The following TENM1 variants were observed in gnomAD, a reference collection of about 807,000 sequenced individuals.
TENM1 encodes teneurin-1.
In TENM1, 35 loss-of-function variants were observed where a neutral mutation model predicts 174.8. That is an observed-to-expected ratio of 0.20 (90% CI 0.15 to 0.27). TENM1 has a LOEUF of 0.27. TENM1 is among the 10% of genes least tolerant of loss of function. The pLI is 1.00. For missense variants in TENM1, 1,633 were observed against 2,130.1 expected (o/e 0.77, Z 4.59); for synonymous variants, 781 against 798.7 (o/e 0.98, Z 0.37).
At position 124,838,947 on chromosome X, in the gene TENM1, T is replaced by C. The variant is rs147280440; in HGVS notation, c.535+55349A>G. Among the ~76,000 whole-genome samples the C allele has an allele frequency of 2.7e-3, 298 of 111,501 alleles. 2 individuals are homozygous for C. The highest frequency in any genetic ancestry group is 9.2e-3 in the African/African-American group (284 of 30,725). ...ATAAAAACCGAATTCCACTTCCAGG[T>C]ATCTATCCCAAAGAAACTCCCATTT... On this transcript the variant is annotated intron_variant, in intron 3 of 31. Transcript: ENST00000422452.
chrX:125,049,826 C>A, the TENM1 span, among the ~76,000 whole-genome samples: 21 of 110,413 alleles, frequency 1.9e-4, no homozygotes, highest in East Asian at 5.7e-3. Context: ...TGTGTGTTTT[C>A]TTTAGAGATC....
At chrX:124,453,340 A>G (rs1162761063) in exon 23 of TENM1, 2 of 1,205,800 alleles carry the variant, frequency 1.7e-6, no homozygotes, top group Admixed American at 2.2e-5. Flanking sequence ...TGCCTACCTG[A>G]GTGATGTCCA....
chrX:124,724,498 T>C (rs146645812), intron 4 of TENM1, among the ~76,000 whole-genome samples: 3,491 of 111,829 alleles, frequency 0.031, 149 homozygotes, highest in African/African-American at 0.11. Flanking sequence ...TTGTGTCCCT[T>C]CAAAATTCAT....
At chrX:125,021,947 T>A in the TENM1 span, among the ~76,000 whole-genome samples, 1 of 112,852 alleles carries the variant, frequency 8.9e-6, no homozygotes, top group Admixed American at 9.3e-5. Flanking sequence ...GTGTCAGAAA[T>A]TATTATCCCT....
chrX:125,007,609 G>A, the TENM1 span, among the ~76,000 whole-genome samples: 1 of 111,044 alleles, frequency 9.0e-6, no homozygotes, highest in Non-Finnish European at 1.9e-5. Context: ...GAAATGAAGG[G>A]GAAAAAATGT....
At chrX:124,625,966 T>A (rs1421389421) in intron 11 of TENM1, among the ~76,000 whole-genome samples, 1 of 111,222 alleles carries the variant, frequency 9.0e-6, no homozygotes, top group Admixed American at 9.6e-5. Context: ...GATTTAACCA[T>A]TCCACAATGT....
the TENM1 span, among the ~76,000 whole-genome samples, chrX:125,096,619 TA>T: frequency 1.9e-4 from 21 of 111,873 alleles, no homozygotes; most frequent in South Asian, 7.9e-3. Context: ...AGGCTGGTGT[TA>T]AAGAGAACAC....
chrX:124,953,620 T>A (rs1469629252), intron 1 of TENM1, among the ~76,000 whole-genome samples: 1 of 111,493 alleles, frequency 9.0e-6, no homozygotes, highest in Non-Finnish European at 1.9e-5. Context: ...TCCCCTTTGA[T>A]CCTGCCCAGT....
chrX:125,169,711 A>G, the TENM1 span, among the ~76,000 whole-genome samples: 1 of 111,281 alleles, frequency 9.0e-6, no homozygotes, highest in South Asian at 3.7e-4. Flanking sequence ...AACATATAAG[A>G]GAAGTCTAAA....
chrX:125,082,492 G>T, the TENM1 span, among the ~76,000 whole-genome samples: 1 of 111,009 alleles, frequency 9.0e-6, no homozygotes, highest in Non-Finnish European at 1.9e-5. Context: ...AACCATACTG[G>T]CTGGCTTTGT....
intron 23 of TENM1, among the ~76,000 whole-genome samples, chrX:124,434,302 C>G (rs2060811064): frequency 9.0e-6 from 1 of 111,174 alleles, no homozygotes; most frequent in Non-Finnish European, 1.9e-5. Context: ...TGAAAGACAC[C>G]ACTCTATTAT....
At chrX:124,503,210 A>G in intron 19 of TENM1, among the ~76,000 whole-genome samples, 1 of 111,435 alleles carries the variant, frequency 9.0e-6, no homozygotes. Context: ...TAGGTGAAGG[A>G]ACTTGGATGA....
the TENM1 span, among the ~76,000 whole-genome samples, chrX:125,020,735 T>C: frequency 9.0e-6 from 1 of 111,147 alleles, no homozygotes; most frequent in African/African-American, 3.3e-5. Context: ...AAATTAACTA[T>C]ATAACTGCCA....
chrX:124,738,418 T>C (rs2053727830), intron 3 of TENM1, among the ~76,000 whole-genome samples: 2 of 112,202 alleles, frequency 1.8e-5, no homozygotes, highest in African/African-American at 6.5e-5. Context: ...AAAAACGATA[T>C]TAGCCTCCCA....
chrX:124,619,460 G>C (rs976087335), intron 11 of TENM1, among the ~76,000 whole-genome samples: 1 of 111,961 alleles, frequency 8.9e-6, no homozygotes, highest in African/African-American at 3.2e-5. Context: ...GTCTGGATAT[G>C]TCCTATAGTT....
chrX:124,801,145 T>C (rs1603212937), intron 3 of TENM1, among the ~76,000 whole-genome samples: 1 of 111,846 alleles, frequency 8.9e-6, no homozygotes, highest in Non-Finnish European at 1.9e-5. Context: ...AAGTCCAGAA[T>C]ATCCTTGTTA....
chrX:124,707,260 C>T (rs1409765455), intron 4 of TENM1, among the ~76,000 whole-genome samples: 5 of 112,024 alleles, frequency 4.5e-5, no homozygotes, highest in African/African-American at 1.3e-4. Context: ...ACCTCAGCCT[C>T]CTAAAGTGCT....
rs182635293 is a variant in TENM1 at position 124,818,757 on chromosome X, A to G, written c.535+75539T>C. Among the ~76,000 whole-genome samples the G allele has an allele frequency of 3.0e-4, 34 of 111,607 alleles. 1 individual carries two copies. The highest frequency in any genetic ancestry group is 2.5e-3 in the Admixed American group (26 of 10,463). ...TTAAATAATAAACATTTGTGGTAGGATTTGGTTTGAGATTTTCTTTGACTA... is the reference window on the plus strand; with the variant it reads ...TTAAATAATAAACATTTGTGGTAGGGTTTGGTTTGAGATTTTCTTTGACTA... On this transcript the variant is annotated intron_variant, in intron 3 of 31. Transcript: ENST00000422452.
chrX:124,688,600 G>T, intron 5 of TENM1: 2 of 142,803 alleles, frequency 1.4e-5, no homozygotes, highest in South Asian at 4.1e-4. Context: ...ATCAATTCCT[G>T]ACTACCTTGC....
Sources: gnomAD v4.1 joint callset for allele counts (sites outside exome capture counted in the v4.1 genomes callset) on GRCh38, gnomAD v4.1.1 for gene constraint, MANE v1.5 for transcripts, NCBI Gene and HGNC (gene_info 2026-07-23, HGNC 2026-07-21) for gene names.